ADGRD1: variants seen among roughly 807,000 people sequenced by gnomAD.
The protein encoded by ADGRD1 is adhesion G protein-coupled receptor D1.
In ADGRD1, 77 loss-of-function variants were observed where a neutral mutation model predicts 113.4. The ratio of observed to expected loss-of-function variants is 0.68; its 90% confidence interval spans 0.57 to 0.82. ADGRD1 has a LOEUF of 0.82. Among genes scored for constraint, ADGRD1 ranks in the 40% least tolerant of loss-of-function variants. The probability of loss-of-function intolerance (pLI) is 0.00; values close to 1 mark genes in which losing one functional copy is unlikely to be tolerated. For synonymous variants in ADGRD1, 474 were observed against 475.0 expected (o/e 1.00, Z 0.03); for missense variants, 1,036 against 1,139.1 (o/e 0.91, Z 1.30).
intron 13 of ADGRD1, among the ~76,000 whole-genome samples, chr12:131,019,314 G>C (rs572964730): frequency 6.6e-6 from 1 of 152,148 alleles, no homozygotes; most frequent in Non-Finnish European, 1.5e-5. Context: ...CTCACCCAGG[G>C]CTACGCAGGA....
At position 131,121,025 on chromosome 12, in the gene ADGRD1, G is replaced by A. The variant is rs148776424; in HGVS notation, c.2175+112G>A. 1.6e-4 allele frequency: 154 copies of A among 946,558 alleles called. No individual in the cohort carries two copies. The African/African-American group carries it at 2.3e-3, about 14-fold the overall frequency. 58.6% of individuals were successfully genotyped at this position (946,558 alleles called of 1,614,324 possible). A position where few individuals can be genotyped will look rare whatever the true frequency, so the allele number is the denominator to read the frequency against. On this transcript the variant is annotated intron_variant, in intron 20 of 24. Coordinates refer to ENST00000261654, the MANE Select transcript of ADGRD1 (RefSeq NM_198827.5). Reference sequence around the variant, plus strand: ...CCCTGAGGAGCTTCCGAAGGATGCAGCGTCGTTCCTCGGTCACTCCTCGCT... The same window carrying A: ...CCCTGAGGAGCTTCCGAAGGATGCAACGTCGTTCCTCGGTCACTCCTCGCT...
intron 15 of ADGRD1, among the ~76,000 whole-genome samples, chr12:131,099,833 G>T (rs1203549524): frequency 3.9e-5 from 6 of 152,220 alleles, no homozygotes; most frequent in African/African-American, 1.2e-4. Context: ...CTCAGTTCAA[G>T]GGAAGAGCCA....
chr12:130,970,855 G>A (rs1024899681), intron 3 of ADGRD1: 5 of 152,272 alleles, frequency 3.3e-5, no homozygotes, highest in African/African-American at 1.2e-4. Context: ...GTTGCTCGGG[G>A]TTTTCCTCCT....
chr12:131,130,434 G>A (rs56248507), intron 20 of ADGRD1, among the ~76,000 whole-genome samples: 13,487 of 152,200 alleles, frequency 0.089, 597 homozygotes, highest in Middle Eastern at 0.13. Context: ...GCCCCACCAC[G>A]CACCACTCTC....
chr12:131,010,896 C>T (rs1877785844), intron 12 of ADGRD1, among the ~76,000 whole-genome samples: 2 of 152,216 alleles, frequency 1.3e-5, no homozygotes, highest in African/African-American at 2.4e-5. Context: ...GCGACTGTGC[C>T]CTGGTAGGCT....
At chr12:131,042,363 C>T (rs1367988546) in intron 13 of ADGRD1, among the ~76,000 whole-genome samples, 2 of 152,226 alleles carry the variant, frequency 1.3e-5, no homozygotes, top group East Asian at 3.8e-4. Context: ...CCCCCAGCCC[C>T]CTGAGCCGCG....
intron 13 of ADGRD1, among the ~76,000 whole-genome samples, chr12:131,046,315 T>G (rs111793787): frequency 4.4e-5 from 6 of 135,910 alleles, no homozygotes; most frequent in Admixed American, 7.3e-5. Flanking sequence ...CCCTCCCTGG[T>G]CAGTGTCCTC....
chr12:131,000,157 G>C (rs757660389), intron 8 of ADGRD1, among the ~76,000 whole-genome samples: 15 of 152,216 alleles, frequency 9.9e-5, no homozygotes, highest in Non-Finnish European at 1.9e-4. Context: ...TCCGGTGCTG[G>C]TCACTGACTC....
chr12:130,984,331 C>G lies in ADGRD1; in HGVS notation c.490+2268C>G, dbSNP rs1593295203. 6.6e-6 allele frequency among the ~76,000 whole-genome samples: 1 copy of G among 152,166 alleles called. No homozygotes were observed. Among genetic ancestry groups the G allele is most frequent in the African/African-American group, 2.4e-5 (1 of 41,434 alleles). ...TAGGGGCCACCTCGTGATGGGGCAGCCGCCCTTCCACGCACTGCAGTCAGC... is the reference window on the plus strand; with the variant it reads ...TAGGGGCCACCTCGTGATGGGGCAGGCGCCCTTCCACGCACTGCAGTCAGC... On this transcript the variant is annotated intron_variant, in intron 5 of 24. Transcript: ENST00000261654. This position sits in a 1 kb window ranked among gnomAD's most constrained non-coding sequence, Gnocchi z 4.1.
intron 13 of ADGRD1, among the ~76,000 whole-genome samples, chr12:131,049,712 C>T (rs942356127): frequency 9.2e-5 from 14 of 152,078 alleles, no homozygotes; most frequent in East Asian, 5.8e-4. Flanking sequence ...CAGGGGCGGC[C>T]GTGTAGGCTG....
At position 131,010,617 on chromosome 12, in the gene ADGRD1, G is replaced by A. The variant is rs369075232; in HGVS notation, c.1332-3582G>A. Among the ~76,000 whole-genome samples, 10 of 152,346 alleles carry A rather than the reference G, an allele frequency of 6.6e-5. No homozygotes were observed. In the East Asian group the frequency reaches 1.3e-3, roughly 21 times the overall value. On this transcript the variant is annotated intron_variant, in intron 12 of 24. Transcript: ENST00000261654. ...TCTTTGTGTAACGGAAGGCGGAGCA[G>A]CAGCGTGGCTTTGGCTCAGATGTGC...
At chr12:131,009,601 G>A (rs906811394) in intron 12 of ADGRD1, among the ~76,000 whole-genome samples, 4 of 152,208 alleles carry the variant, frequency 2.6e-5, no homozygotes, top group Admixed American at 2.0e-4. Flanking sequence ...GCAACACACC[G>A]CTAGTGCTTC....
At chr12:130,998,410 C>CA (rs1192201575) in intron 8 of ADGRD1, among the ~76,000 whole-genome samples, 2 of 152,132 alleles carry the variant, frequency 1.3e-5, no homozygotes, top group Non-Finnish European at 1.5e-5. Flanking sequence ...GATGAGAAGT[C>CA]AAAGTTTTTG....
At chr12:131,012,939 A>G (rs2136805158) in intron 12 of ADGRD1, among the ~76,000 whole-genome samples, 1 of 152,254 alleles carries the variant, frequency 6.6e-6, no homozygotes, top group East Asian at 1.9e-4. Flanking sequence ...ATCTTTGTGT[A>G]GTCACCCCAA....
chr12:130,986,702 G>A (rs1237518362), intron 5 of ADGRD1: 1 of 198,096 alleles, frequency 5.0e-6, no homozygotes, highest in African/African-American at 2.3e-5. Flanking sequence ...AAAAGGAGTG[G>A]TAAAAGGGGA....
At chr12:131,045,449 G>C (rs1882592927) in intron 13 of ADGRD1, among the ~76,000 whole-genome samples, 2 of 152,110 alleles carry the variant, frequency 1.3e-5, no homozygotes, top group African/African-American at 2.4e-5. Flanking sequence ...GAGAAGAGCG[G>C]GGCAGCCTCT....
chr12:131,124,824 T>C (rs1265515134), intron 20 of ADGRD1, among the ~76,000 whole-genome samples: 3 of 152,248 alleles, frequency 2.0e-5, no homozygotes, highest in African/African-American at 7.2e-5. Flanking sequence ...ACTCGGTGAT[T>C]CTAGTTACAC....
At chr12:130,994,332 G>A (rs2136670543) in intron 8 of ADGRD1, 1 of 413,268 alleles carries the variant, frequency 2.4e-6, no homozygotes, top group South Asian at 1.7e-5. Context: ...GGTGACTGTG[G>A]CAGGCGGTGC....
At chr12:131,035,833 T>C (rs940807516) in intron 13 of ADGRD1, among the ~76,000 whole-genome samples, 1 of 152,210 alleles carries the variant, frequency 6.6e-6, no homozygotes, top group African/African-American at 2.4e-5. Context: ...CACACAGACA[T>C]GAACGTTTTA....
Sources: allele counts gnomAD v4.1 joint callset (sites outside exome capture counted in the v4.1 genomes callset), GRCh38; gene constraint gnomAD v4.1.1; non-coding constraint Gnocchi (gnomAD v3.1); transcripts MANE v1.5; gene names NCBI Gene and HGNC (gene_info 2026-07-23, HGNC 2026-07-21).